The following HS6ST2 variants were observed in gnomAD, a reference collection of about 807,000 sequenced individuals.
The protein encoded by HS6ST2 is heparan sulfate 6-O-sulfotransferase 2, also known as heparan-sulfate 6-O-sulfotransferase 2.
In HS6ST2, 17 loss-of-function variants were observed where a neutral mutation model predicts 33.0. The ratio of observed to expected loss-of-function variants is 0.52; its 90% CI spans 0.35 to 0.77. The LOEUF (loss-of-function observed/expected upper bound fraction) is 0.77, where lower values mean the gene tolerates loss of function less well. Among genes scored for constraint, HS6ST2 ranks in the 30% least tolerant of loss-of-function variants. The pLI is 0.01. For synonymous variants in HS6ST2, 248 were observed against 237.1 expected (o/e 1.05, Z -0.42); for missense variants, 519 against 551.7 (o/e 0.94, Z 0.59).
chrX:132,726,343 T>C (rs1228693362), intron 2 of HS6ST2, among the ~76,000 whole-genome samples: 1 of 111,745 alleles, frequency 8.9e-6, no homozygotes, highest in Non-Finnish European at 1.9e-5. Flanking sequence ...TAATAAAAAA[T>C]AAAAAGTAAA....
At chrX:132,670,814 A>G (rs2063866549) in intron 3 of HS6ST2, among the ~76,000 whole-genome samples, 1 of 112,110 alleles carries the variant, frequency 8.9e-6, no homozygotes, top group Non-Finnish European at 1.9e-5. Flanking sequence ...CTCCGTCTCA[A>G]GAATAAAACA....
rs191348598 is a variant in HS6ST2 at position 132,792,711 on chromosome X, G to C, written c.948-84217C>G. On this transcript the variant is annotated intron_variant, in intron 2 of 4. Transcript: ENST00000370833. Reference sequence around the variant, plus strand: ...CACTAATCTGCTTTCTGTCTCTATGGATTTGCTTATTCTAATATTTCATAT... The same window carrying C: ...CACTAATCTGCTTTCTGTCTCTATGCATTTGCTTATTCTAATATTTCATAT... 7.2e-5 allele frequency among the ~76,000 whole-genome samples: 8 copies of C among 111,171 alleles called. No individual in the cohort carries two copies. In the Admixed American group the frequency reaches 7.7e-4, roughly 11 times the overall value.
intron 2 of HS6ST2, among the ~76,000 whole-genome samples, chrX:132,838,981 G>C (rs1373328877): frequency 1.0e-5 from 1 of 99,804 alleles, no homozygotes; most frequent in Admixed American, 1.1e-4. Flanking sequence ...AAAAAAAACA[G>C]ATGTTGGCAA....
chrX:132,707,524 G>A (rs1264588700), intron 3 of HS6ST2, among the ~76,000 whole-genome samples: 1 of 112,259 alleles, frequency 8.9e-6, no homozygotes, highest in Non-Finnish European at 1.9e-5. Context: ...CTATTTTAAT[G>A]GGAGTCTGTC....
chrX:132,855,966 G>A (rs938566373), intron 2 of HS6ST2, among the ~76,000 whole-genome samples: 1 of 110,834 alleles, frequency 9.0e-6, no homozygotes, highest in African/African-American at 3.3e-5. Flanking sequence ...TTGAGTTACT[G>A]TGTACATTTA....
intron 2 of HS6ST2, among the ~76,000 whole-genome samples, chrX:132,819,001 C>A (rs2148373918): frequency 9.0e-6 from 1 of 111,417 alleles, no homozygotes; most frequent in Admixed American, 9.5e-5. Context: ...TTCAATGTAT[C>A]CTCCACAGAG....
At chrX:132,662,707 C>T (rs1312133354) in intron 4 of HS6ST2, among the ~76,000 whole-genome samples, 2 of 112,417 alleles carry the variant, frequency 1.8e-5, no homozygotes, top group African/African-American at 3.2e-5. Flanking sequence ...TATATCCTAA[C>T]CATCACAGAG....
At chrX:132,676,895 CGCTGTAGG>C (rs754034815) in intron 3 of HS6ST2, among the ~76,000 whole-genome samples, 2 of 112,218 alleles carry the variant, frequency 1.8e-5, no homozygotes, top group South Asian at 7.5e-4. Context: ...TAAAGTGCCC[CGCTGTAGG>C]GCTTCTGAGG....
chrX:132,658,484 CT>C (rs144502822), intron 4 of HS6ST2, among the ~76,000 whole-genome samples: 10 of 109,075 alleles, frequency 9.2e-5, no homozygotes, highest in Non-Finnish European at 1.5e-4. Flanking sequence ...TTTTCTTTTT[CT>C]TTTTTTTTGG....
intron 2 of HS6ST2, among the ~76,000 whole-genome samples, chrX:132,940,063 G>A (rs1300143412): frequency 8.9e-6 from 1 of 112,361 alleles, no homozygotes; most frequent in Non-Finnish European, 1.9e-5. Context: ...CAAAGCAACA[G>A]TAGTCAAGAC....
At chrX:132,758,393 C>T (rs926025733) in intron 2 of HS6ST2, 3 of 111,982 alleles carry the variant, frequency 2.7e-5, no homozygotes, top group Non-Finnish European at 5.6e-5. Flanking sequence ...ATTCAAGTTA[C>T]AGACACTCTT....
chrX:132,682,831 C>CA (rs943329183), intron 3 of HS6ST2, among the ~76,000 whole-genome samples: 4 of 110,691 alleles, frequency 3.6e-5, no homozygotes, highest in African/African-American at 1.3e-4. Flanking sequence ...CCAGGCCAGG[C>CA]ACGGTGGCTC....
At chrX:132,778,801 C>G (rs2064991378) in intron 2 of HS6ST2, among the ~76,000 whole-genome samples, 1 of 111,636 alleles carries the variant, frequency 9.0e-6, no homozygotes, top group Non-Finnish European at 1.9e-5. Flanking sequence ...TGGAATTGGC[C>G]TTTTCTTTTT....
chrX:132,652,271 C>T (rs1439000672), intron 4 of HS6ST2, among the ~76,000 whole-genome samples: 1 of 111,996 alleles, frequency 8.9e-6, no homozygotes, highest in Non-Finnish European at 1.9e-5. Context: ...GACAGTTTCT[C>T]TCACACCTCC....
intron 2 of HS6ST2, among the ~76,000 whole-genome samples, chrX:132,775,745 A>C (rs2064951313): frequency 9.0e-6 from 1 of 111,353 alleles, no homozygotes; most frequent in African/African-American, 3.3e-5. Flanking sequence ...GCCATTTTCT[A>C]CCTTAATTTT....
At chrX:132,868,769 A>T (rs1317644700) in intron 2 of HS6ST2, among the ~76,000 whole-genome samples, 3 of 111,941 alleles carry the variant, frequency 2.7e-5, no homozygotes, top group African/African-American at 9.7e-5. Context: ...TCTCTGGGAC[A>T]CAGCTAAAGC....
At chrX:132,867,110 G>A (rs2065993889) in intron 2 of HS6ST2, among the ~76,000 whole-genome samples, 1 of 99,151 alleles carries the variant, frequency 1.0e-5, no homozygotes. Context: ...GATATTGGCT[G>A]TGGGTTTGTC....
At chrX:132,956,054 C>A (rs1042748632) in intron 2 of HS6ST2, among the ~76,000 whole-genome samples, 100 of 112,242 alleles carry the variant, frequency 8.9e-4, no homozygotes, top group Non-Finnish European at 1.5e-3. Context: ...GCCACGGATG[C>A]CTCTCATGCA....
At chrX:132,744,242 G>A (rs1294131787) in intron 2 of HS6ST2, among the ~76,000 whole-genome samples, 1 of 111,555 alleles carries the variant, frequency 9.0e-6, no homozygotes, top group African/African-American at 3.3e-5. Context: ...TACTCCTATG[G>A]CTGGAGGAAG....
Sources: allele counts gnomAD v4.1 joint callset (sites outside exome capture counted in the v4.1 genomes callset), GRCh38; gene constraint gnomAD v4.1.1; transcripts MANE v1.5; gene names NCBI Gene and HGNC (gene_info 2026-07-23, HGNC 2026-07-21).